The following DMD variants were observed in gnomAD, a reference collection of about 807,000 sequenced individuals.
DMD encodes dystrophin, also known as mutant dystrophin.
In DMD, 63 loss-of-function variants were observed where a neutral mutation model predicts 330.1. The ratio of observed to expected loss-of-function variants is 0.19; its 90% CI spans 0.16 to 0.24. DMD has a LOEUF of 0.24. Among genes scored for constraint, DMD ranks in the 10% least tolerant of loss-of-function variants. DMD has a pLI of 1.00. For missense variants in DMD, 3,344 were observed against 2,684.1 expected, an observed-to-expected ratio of 1.25 and a Z score of -5.43; for synonymous variants, 1,223 against 959.8, an observed-to-expected ratio of 1.27 and a Z score of -5.07.
chrX:33,004,759 G>A (rs1006620570), intron 2 of DMD, among the ~76,000 whole-genome samples: 1 of 110,126 alleles, frequency 9.1e-6, no homozygotes, highest in Non-Finnish European at 1.9e-5. Flanking sequence ...TGCTTTTCAG[G>A]AACAAGGAGC....
At chrX:31,598,076 T>C (rs1334130881) in intron 55 of DMD, among the ~76,000 whole-genome samples, 1 of 109,605 alleles carries the variant, frequency 9.1e-6, no homozygotes, top group African/African-American at 3.3e-5. Flanking sequence ...GAAATTAGAG[T>C]TACCTACGCA....
rs185149639 is a variant in DMD at position 32,937,512 on chromosome X, A to T, written c.93+82627T>A. 7.0e-4 allele frequency among the ~76,000 whole-genome samples: 73 copies of T among 104,049 alleles called. 1 individual carries two copies. Among genetic ancestry groups the T allele is most frequent in the African/African-American group, 2.4e-3 (69 of 28,416 alleles). The allele number at this position is 104,049 out of a possible 115,157, so 90.4% of individuals were successfully genotyped here. A position where few individuals can be genotyped will look rare whatever the true frequency, so the allele number is the denominator to read the frequency against. Reference sequence around the variant, plus strand: ...CTTTTCCCTTTCAAGTTAATCTAGTATGTTGAGTTGGTTTGCTCTTTAACT... The same window carrying T: ...CTTTTCCCTTTCAAGTTAATCTAGTTTGTTGAGTTGGTTTGCTCTTTAACT... On this transcript the variant is annotated intron_variant, in intron 2 of 78. Coordinates refer to ENST00000357033, the MANE Select transcript of DMD (RefSeq NM_004006.3).
intron 1 of DMD, among the ~76,000 whole-genome samples, chrX:33,149,648 G>T (rs956295457): frequency 9.0e-6 from 1 of 111,496 alleles, no homozygotes; most frequent in Non-Finnish European, 1.9e-5. Flanking sequence ...ACAATCCTGG[G>T]TCTACCATGC....
chrX:32,809,935 AAAAAAAAAAAAG>A (rs2077233148), intron 6 of DMD, among the ~76,000 whole-genome samples: 1 of 95,067 alleles, frequency 1.1e-5, no homozygotes, highest in African/African-American at 3.9e-5. Flanking sequence ...AAAAAAAAAA[AAAAAAAAAAAAG>A]AAAGAAAGAA....
At position 32,889,510 on chromosome X, in the gene DMD, T is replaced by G. The variant is rs190665737; in HGVS notation, c.94-39690A>C. On this transcript the variant is annotated intron_variant, in intron 2 of 78. Transcript: ENST00000357033. ...CCATCATATCCCCTGTGACCTGCCCTTATACATCCAGATGGCCTGAAGCAA... is the reference window on the plus strand; with the variant it reads ...CCATCATATCCCCTGTGACCTGCCCGTATACATCCAGATGGCCTGAAGCAA... 4.7e-3 allele frequency among the ~76,000 whole-genome samples: 523 copies of G among 110,723 alleles called. 2 individuals are homozygous for G. Among genetic ancestry groups the G allele is most frequent in the African/African-American group, 0.016 (490 of 30,358 alleles).
intron 44 of DMD, among the ~76,000 whole-genome samples, chrX:32,105,076 G>A (rs906462393): frequency 1.8e-5 from 2 of 112,033 alleles, no homozygotes; most frequent in Non-Finnish European, 3.8e-5. Flanking sequence ...GCAGGGGTAT[G>A]AGGAAACACT....
chrX:32,118,641 G>C (rs933459300), intron 44 of DMD, among the ~76,000 whole-genome samples: 2 of 111,107 alleles, frequency 1.8e-5, no homozygotes, highest in South Asian at 7.7e-4. Flanking sequence ...ACAGCAATCA[G>C]TATTTTAATG....
At chrX:32,512,701 G>C (rs758909740) in intron 18 of DMD, among the ~76,000 whole-genome samples, 113 of 112,500 alleles carry the variant, frequency 1.0e-3, no homozygotes, top group Non-Finnish European at 2.0e-3. Context: ...ACACTCTTCA[G>C]ACAAAGACCA....
At chrX:31,403,079 A>G (rs1569538550) in intron 60 of DMD, among the ~76,000 whole-genome samples, 1 of 112,331 alleles carries the variant, frequency 8.9e-6, no homozygotes, top group Non-Finnish European at 1.9e-5. Context: ...TAGAAGAATT[A>G]CTTTTAGAAT....
At chrX:32,807,995 G>A (rs2077082958) in intron 7 of DMD, among the ~76,000 whole-genome samples, 3 of 111,838 alleles carry the variant, frequency 2.7e-5, no homozygotes, top group African/African-American at 9.7e-5. Context: ...ATACAGTATA[G>A]CTCTTTATCC....
chrX:33,047,727 C>G (rs1487396667), intron 1 of DMD, among the ~76,000 whole-genome samples: 1 of 111,744 alleles, frequency 8.9e-6, no homozygotes, highest in Admixed American at 9.6e-5. Context: ...AATGTTTAAT[C>G]TTTTTTAAAA....
chrX:31,752,577 G>A (rs1445704970), intron 51 of DMD, among the ~76,000 whole-genome samples: 5 of 110,825 alleles, frequency 4.5e-5, no homozygotes, highest in African/African-American at 1.3e-4. Flanking sequence ...TCACAAAAGC[G>A]TTACATTAAA....
intron 62 of DMD, among the ~76,000 whole-genome samples, chrX:31,274,651 T>TG (rs1357966072): frequency 8.9e-6 from 1 of 112,638 alleles, no homozygotes; most frequent in Admixed American, 9.4e-5. Flanking sequence ...AAAATACAGA[T>TG]GCAAGGAACT....
At chrX:31,567,478 T>A (rs1462767896) in intron 55 of DMD, among the ~76,000 whole-genome samples, 2 of 111,453 alleles carry the variant, frequency 1.8e-5, no homozygotes, top group Non-Finnish European at 3.8e-5. Flanking sequence ...ATCATATGAT[T>A]TTTTCTTCTT....
At chrX:32,343,035 G>T (rs916473131) in intron 40 of DMD, 99 bp downstream of exon 40, 2 of 881,152 alleles carry the variant, frequency 2.3e-6, no homozygotes, top group Admixed American at 4.5e-5. Context: ...CAAAGAGAAC[G>T]TTAATAGAAA....
chrX:32,463,711 T>G (rs1007889804), intron 24 of DMD, 117 bp from the exon 25 acceptor site: 2 of 653,381 alleles, frequency 3.1e-6, no homozygotes, highest in African/African-American at 4.5e-5. Context: ...GATTTTTGTC[T>G]TTTAAAATCT....
chrX:31,755,880 T>G (rs1010510299), intron 51 of DMD, among the ~76,000 whole-genome samples: 32 of 111,814 alleles, frequency 2.9e-4, no homozygotes, highest in African/African-American at 1.0e-3. Flanking sequence ...GAGGCACCTA[T>G]TCACATAATT....
intron 41 of DMD, among the ~76,000 whole-genome samples, chrX:32,336,444 C>G (rs1212296965): frequency 8.9e-6 from 1 of 111,986 alleles, no homozygotes; most frequent in African/African-American, 3.2e-5. Context: ...TATCCCATTA[C>G]AATTACTCTG....
intron 55 of DMD, among the ~76,000 whole-genome samples, chrX:31,623,194 TTTC>T (rs2078653622): frequency 9.0e-6 from 1 of 111,464 alleles, no homozygotes; most frequent in African/African-American, 3.3e-5. Context: ...GATTGCATTC[TTTC>T]TTCTTTCTTC....
Sources: gnomAD v4.1 joint callset for allele counts (sites outside exome capture counted in the v4.1 genomes callset) on GRCh38, gnomAD v4.1.1 for gene constraint, MANE v1.5 for transcripts, NCBI Gene and HGNC (gene_info 2026-07-23, HGNC 2026-07-21) for gene names.